The following COPS6 variants were observed in gnomAD, a reference collection of about 807,000 sequenced individuals.
The protein encoded by COPS6 is COP9 signalosome complex subunit 6.
COPS6 carries 9 observed loss-of-function variants against 41.0 expected under a neutral mutation model. The ratio of observed to expected loss-of-function variants is 0.22; its 90% confidence interval spans 0.13 to 0.38. The LOEUF (loss-of-function observed/expected upper bound fraction) is 0.38, where lower values mean the gene tolerates loss of function less well. Ranked by LOEUF, COPS6 falls within the 10% of genes least tolerant of loss-of-function variation. The probability of loss-of-function intolerance (pLI) is 1.00; values close to 1 mark genes in which losing one functional copy is unlikely to be tolerated. For synonymous variants in COPS6, 179 were observed against 162.9 expected (o/e 1.10, Z -0.75); for missense variants, 302 against 436.7 (o/e 0.69, Z 2.75).
chr7:100,091,496 C>T lies in COPS6; in HGVS notation c.819C>T (p.Asp273=), dbSNP rs200193790. ...LCHCLPVLST[D]KFKTDFYDQC... ...ACTGTCTCCCGGTGCTCAGCACAGACAAGTTCAAGACAGATTTTTATGATG... is the reference window on the plus strand; with the variant it reads ...ACTGTCTCCCGGTGCTCAGCACAGATAAGTTCAAGACAGATTTTTATGATG... Residue 273 remains aspartate (D), a synonymous_variant, in exon 9 of 10, where the codon GAC becomes GAT. Transcript: ENST00000303904. The surrounding 1 kb of genome is among the most constrained non-coding windows in gnomAD (Gnocchi z 4.1). The T allele has an allele frequency of 1.2e-5, 19 of 1,614,170 alleles. No individual in the cohort carries two copies. The African/African-American group carries it at 1.7e-4, about 15-fold the overall frequency.
In COPS6 at chr7:100,089,023, G is replaced by C; in HGVS notation, c.33G>C (p.Thr11=). 1 of 1,327,260 alleles carries C rather than the reference G, an allele frequency of 7.5e-7. No homozygotes were observed. Among genetic ancestry groups the C allele is most frequent in the Non-Finnish European group, 9.7e-7 (1 of 1,035,856 alleles). 82.2% of individuals were successfully genotyped at this position (1,327,260 alleles called of 1,614,324 possible). The change falls in exon 1 of 10, where the codon ACG becomes ACC. Residue 11 remains threonine, a synonymous_variant. Coordinates refer to ENST00000303904, the MANE Select transcript of COPS6 (RefSeq NM_006833.5). MAAAAAAAAA[T]NGTGGSSGME... is the part of the protein sequence containing the mutation. ...CGGCGGCGGCGGCGGCTGCAGCTACGAACGGGACCGGAGGAAGCAGCGGGA... is the reference window on the plus strand; with the variant it reads ...CGGCGGCGGCGGCGGCTGCAGCTACCAACGGGACCGGAGGAAGCAGCGGGA...
At position 100,091,672 on chromosome 7, in the gene COPS6, G is replaced by T. The variant is rs1199806292; in HGVS notation, c.867G>T (p.Met289Ile). 2 of 1,614,196 alleles carry T rather than the reference G, an allele frequency of 1.2e-6. No individual in the cohort carries two copies. Among genetic ancestry groups the T allele is most frequent in the African/African-American group, 1.3e-5 (1 of 75,044 alleles). Reference protein sequence around the residue: ...FYDQCNDVGLMAYLGTITKTC... With the variant: ...FYDQCNDVGLIAYLGTITKTC... The stretch of plus-strand genomic sequence containing the variant: ...AGCAATGCAACGACGTGGGGCTCAT[G>T]GCCTACCTCGGCACCATCACCAAAA... Residue 289 changes from methionine (M) to isoleucine (I), a missense_variant, in exon 10 of 10, where the codon ATG becomes ATT. Transcript: ENST00000303904. The surrounding 1 kb of genome is among the most constrained non-coding windows in gnomAD (Gnocchi z 4.1).
Position 100,091,814 on chromosome 7 carries a change from A to C in COPS6, c.*25A>C. On this transcript the variant is annotated 3_prime_UTR_variant, in exon 10 of 10. Coordinates refer to ENST00000303904, the MANE Select transcript of COPS6 (RefSeq NM_006833.5). This position sits in a 1 kb window ranked among gnomAD's most constrained non-coding sequence, Gnocchi z 4.1. The stretch of plus-strand genomic sequence containing the variant: ...ATGAGGGTACTTGAAGGGCTGATGG[A>C]CAGGGGTCAGGCAACTATCCCAAAG... The C allele has an allele frequency of 6.2e-7, 1 of 1,614,062 alleles. No homozygotes were observed. The highest frequency in any genetic ancestry group is 1.6e-4 in the Middle Eastern group (1 of 6,062).
At chr7:100,090,335 G>A (rs1418247998) in intron 3 of COPS6, 64 bp from the exon 4 acceptor site, 12 of 1,256,964 alleles carry the variant, frequency 9.5e-6, no homozygotes, top group South Asian at 3.7e-5. Flanking sequence ...GCAACAGAGC[G>A]AGATTCCGTC....
intron 1 of COPS6, 65 bp downstream of exon 1, chr7:100,089,131 G>C: frequency 6.8e-7 from 1 of 1,464,162 alleles, no homozygotes; most frequent in Non-Finnish European, 9.0e-7. Flanking sequence ...GCCTCCCTGT[G>C]CTCCCGGGAG....
At position 100,091,445 on chromosome 7, in the gene COPS6, C is replaced by A. The variant is rs745924412; in HGVS notation, c.768C>A (p.Ile256=). ...GAGAGGTCCCCTTTAATCATGAGATCCTGCGGGAGGCCTATGCTCTGTGTC... is the reference window on the plus strand; with the variant it reads ...GAGAGGTCCCCTTTAATCATGAGATACTGCGGGAGGCCTATGCTCTGTGTC... ...EAGEVPFNHE[I]LREAYALCHC... The change falls in exon 9 of 10, where the codon ATC becomes ATA. Residue 256 remains isoleucine, a synonymous_variant. Coordinates refer to ENST00000303904, the MANE Select transcript of COPS6 (RefSeq NM_006833.5). This position sits in a 1 kb window ranked among gnomAD's most constrained non-coding sequence, Gnocchi z 4.1. 1 of 1,614,164 alleles carries A rather than the reference C, an allele frequency of 6.2e-7. No homozygotes were observed. The highest frequency in any genetic ancestry group is 8.5e-7 in the Non-Finnish European group (1 of 1,180,020).
rs1395408819 is a variant in COPS6 at position 100,089,719 on chromosome 7, G to A, written c.307G>A (p.Glu103Lys). Reference sequence around the variant, plus strand: ...GGAAGAGAAGATTATCATTGACAAGGAATATTATTACACCAAGGAGGAGCA... The same window carrying A: ...GGAAGAGAAGATTATCATTGACAAGAAATATTATTACACCAAGGAGGAGCA... ...TVEEKIIIDK[E>K]YYYTKEEQFK... Residue 103 changes from glutamate (E) to lysine (K), a missense_variant, in exon 3 of 10, where the codon GAA becomes AAA. Glu to Lys is a moderately conservative substitution (Grantham distance 56). Transcript: ENST00000303904. 3 of 1,613,844 alleles carry A rather than the reference G, an allele frequency of 1.9e-6. No individual in the cohort carries two copies. The highest frequency in any genetic ancestry group is 8.5e-7 in the Non-Finnish European group (1 of 1,179,976).
Position 100,090,444 on chromosome 7 carries a change from C to T in COPS6, c.380C>T (p.Thr127Ile), listed in dbSNP as rs1171597307. The change falls in exon 4 of 10, where the codon ACA (threonine) becomes ATA (isoleucine). Residue 127 changes from threonine (T) to isoleucine (I), a missense_variant. Thr to Ile is a moderately conservative substitution (Grantham distance 89). This residue lies in a region of COPS6 where 222 missense variants were observed against 309.0 expected (regional missense o/e 0.72). Transcript: ENST00000303904. ...KELEFLGWYTTGGPPDPSDIH... is the reference protein window; with the variant it reads ...KELEFLGWYTIGGPPDPSDIH... ...CTGGAGTTTCTGGGTTGGTATACCA[C>T]AGGGGGGCCACCTGACCCCTCGGAC... 2 of 1,614,068 alleles carry T rather than the reference C, an allele frequency of 1.2e-6. No homozygotes were observed. The highest frequency in any genetic ancestry group is 1.7e-6 in the Non-Finnish European group (2 of 1,179,996).
At chr7:100,090,349 G>GAA (rs376860735) in intron 3 of COPS6, 50 bp from the exon 4 acceptor site, 1,691 of 1,162,412 alleles carry the variant, frequency 1.5e-3, no homozygotes, top group Non-Finnish European at 1.7e-3. Flanking sequence ...TTCCGTCTCA[G>GAA]AAAAAAAAAA....
Position 100,089,361 on chromosome 7 carries a change from A to C in COPS6, c.148A>C (p.Asn50His). 6.2e-7 allele frequency: 1 copy of C among 1,613,866 alleles called. No homozygotes were observed. The highest frequency in any genetic ancestry group is 8.5e-7 in the Non-Finnish European group (1 of 1,179,952). ...CGCTCTCCATCCCCTTGTCATTCTC[A>C]ACATCTCAGACCACTGGATCCGCAT... ...SVALHPLVILNISDHWIRMRS... is the reference protein window; with the variant it reads ...SVALHPLVILHISDHWIRMRS... Residue 50 changes from asparagine (N) to histidine (H), a missense_variant, in exon 2 of 10, where the codon AAC (asparagine) becomes CAC (histidine). Physicochemically the swap from Asn to His is moderately conservative, Grantham distance 68. Coordinates refer to ENST00000303904, the MANE Select transcript of COPS6 (RefSeq NM_006833.5).
At chr7:100,090,717 C>T in intron 5 of COPS6, 63 bp downstream of exon 5, 1 of 1,541,354 alleles carries the variant, frequency 6.5e-7, no homozygotes. Flanking sequence ...GTGTGACACT[C>T]CTCTATTGGG....
In COPS6 at chr7:100,091,366, C is replaced by T. The variant is rs1562889074; in HGVS notation, c.742+36C>T. 1.2e-6 allele frequency: 2 copies of T among 1,613,034 alleles called. No homozygotes were observed. Among genetic ancestry groups the T allele is most frequent in the South Asian group, 1.1e-5 (1 of 91,076 alleles). ...GGCTTCCCTGGCATTCTTCCTCTCCCTCCTGGGGAAGTGACAGCATCCAAA... is the reference window on the plus strand; with the variant it reads ...GGCTTCCCTGGCATTCTTCCTCTCCTTCCTGGGGAAGTGACAGCATCCAAA... On this transcript the variant is annotated intron_variant, in intron 8 of 9. Coordinates refer to ENST00000303904, the MANE Select transcript of COPS6 (RefSeq NM_006833.5). The surrounding 1 kb of genome is among the most constrained non-coding windows in gnomAD (Gnocchi z 4.1).
chr7:100,089,032 C>A lies in COPS6; in HGVS notation c.42C>A (p.Thr14=), dbSNP rs900620990. Residue 14 remains threonine (T), a synonymous_variant, in exon 1 of 10, where the codon ACC becomes ACA. Coordinates refer to ENST00000303904, the MANE Select transcript of COPS6 (RefSeq NM_006833.5). ...CGGCGGCTGCAGCTACGAACGGGAC[C>A]GGAGGAAGCAGCGGGATGGAGGTGG... ...AAAAAAATNG[T]GGSSGMEVDA... The A allele has an allele frequency of 1.5e-6, 2 of 1,361,548 alleles. No homozygotes were observed. Among genetic ancestry groups the A allele is most frequent in the African/African-American group, 1.5e-5 (1 of 65,642 alleles). 84.3% of individuals were successfully genotyped at this position (1,361,548 alleles called of 1,614,324 possible).
chr7:100,089,384 C>T lies in COPS6; in HGVS notation c.171C>T (p.Arg57=). The change falls in exon 2 of 10, where the codon CGC becomes CGT. Residue 57 remains arginine, a synonymous_variant. Transcript: ENST00000303904. ...TCAACATCTCAGACCACTGGATCCG[C>T]ATGCGCTCCCAGGAGGGGCGGCCTG... ...VILNISDHWI[R]MRSQEGRPVQ... The T allele has an allele frequency of 6.2e-7, 1 of 1,614,132 alleles. No homozygotes were observed. The highest frequency in any genetic ancestry group is 1.1e-5 in the South Asian group (1 of 91,080).
chr7:100,090,466 G>A lies in COPS6; in HGVS notation c.402G>A (p.Ser134=), dbSNP rs774997215. The A allele has an allele frequency of 1.1e-5, 18 of 1,614,020 alleles. No individual in the cohort carries two copies. The highest frequency in any genetic ancestry group is 1.7e-5 in the Admixed American group (1 of 60,010). The change falls in exon 4 of 10, where the codon TCG becomes TCA. Residue 134 remains serine (S), a synonymous_variant. Transcript: ENST00000303904. ...CCACAGGGGGGCCACCTGACCCCTCGGACATCCACGTCCATAAGCAGGTAT... is the reference window on the plus strand; with the variant it reads ...CCACAGGGGGGCCACCTGACCCCTCAGACATCCACGTCCATAAGCAGGTAT... ...WYTTGGPPDP[S]DIHVHKQVCE... is the part of the protein sequence containing the mutation.
rs764798444 is a variant in COPS6, at chr7:100,091,398, T to C, written c.743-22T>C. 3 of 1,612,498 alleles carry C rather than the reference T, an allele frequency of 1.9e-6. No homozygotes were observed. The highest frequency in any genetic ancestry group is 2.7e-5 in the African/African-American group (2 of 75,006). On this transcript the variant is annotated intron_variant, in intron 8 of 9. Transcript: ENST00000303904. This position sits in a 1 kb window ranked among gnomAD's most constrained non-coding sequence, Gnocchi z 4.1. The stretch of plus-strand genomic sequence containing the variant: ...GGAAGTGACAGCATCCAAACTAATG[T>C]AGTCTCTTTTTGTGCCTTTAGGAGA...
At chr7:100,090,296 T>C in intron 3 of COPS6, 103 bp from the exon 4 acceptor site, 1 of 804,496 alleles carries the variant, frequency 1.2e-6, no homozygotes, top group Admixed American at 2.4e-5. Context: ...TGTGGTGAGC[T>C]GAGATCATGC....
At position 100,089,800 on chromosome 7, in the gene COPS6, C is replaced by T. The variant is rs776976569; in HGVS notation, c.334+54C>T. On this transcript the variant is annotated intron_variant, in intron 3 of 9. Transcript: ENST00000303904. ...GAGTGGGAGTTAAAAAAAAAATGTA[C>T]AGGGTGGGGAAGATGGAGAGGGTTG... 6.4e-6 allele frequency: 10 copies of T among 1,571,896 alleles called. No individual in the cohort carries two copies. The Admixed American group carries it at 1.4e-4, about 22-fold the overall frequency.
chr7:100,089,688 C>T lies in COPS6; in HGVS notation c.276C>T (p.His92=). The change falls in exon 3 of 10, where the codon CAC becomes CAT. Residue 92 remains histidine (H), a synonymous_variant. Coordinates refer to ENST00000303904, the MANE Select transcript of COPS6 (RefSeq NM_006833.5). The part of the protein sequence containing the change: ...EVMNSFELLS[H]TVEEKIIIDK... Reference sequence around the variant, plus strand: ...TGAACTCCTTTGAGCTGCTGTCCCACACCGTGGAAGAGAAGATTATCATTG... The same window carrying T: ...TGAACTCCTTTGAGCTGCTGTCCCATACCGTGGAAGAGAAGATTATCATTG... 6.2e-7 allele frequency: 1 copy of T among 1,613,926 alleles called. No individual in the cohort carries two copies. Among genetic ancestry groups the T allele is most frequent in the Non-Finnish European group, 8.5e-7 (1 of 1,179,944 alleles).
Sources: gnomAD v4.1 joint callset for allele counts on GRCh38, gnomAD v4.1.1 for gene constraint, gnomAD v4.1.1 regional missense constraint, Gnocchi (gnomAD v3.1) non-coding constraint, MANE v1.5 for transcripts, NCBI Gene and HGNC (gene_info 2026-07-23, HGNC 2026-07-21) for gene names.